The following AKAP13 variants were observed in gnomAD, a reference collection of about 807,000 sequenced individuals.
The protein encoded by AKAP13 is A-kinase anchor protein 13.
A neutral mutation model predicts 264.5 loss-of-function variants in AKAP13; 80 were observed. That is an observed-to-expected ratio of 0.30 (90% confidence interval 0.25 to 0.36). AKAP13 has a LOEUF of 0.36. Among genes scored for constraint, AKAP13 ranks in the 10% least tolerant of loss-of-function variants. The probability of loss-of-function intolerance (pLI) is 1.00; values close to 1 mark genes in which losing one functional copy is unlikely to be tolerated. For synonymous variants in AKAP13, 1,380 were observed against 1,250.2 expected (o/e 1.10, Z -2.19); for missense variants, 3,712 against 3,435.2 (o/e 1.08, Z -2.01).
At chr15:85,735,301 C>G in intron 31 of AKAP13, 151 bp downstream of exon 31, 1 of 1,136,870 alleles carries the variant, frequency 8.8e-7, no homozygotes, top group Non-Finnish European at 1.2e-6. Flanking sequence ...GTCAGTCAGA[C>G]TCATATTCAT....
rs565517111 is a variant in AKAP13 at position 85,636,204 on chromosome 15, T to A, written c.4162-3170T>A. Among the ~76,000 whole-genome samples the A allele has an allele frequency of 4.6e-5, 7 of 152,332 alleles. No individual in the cohort carries two copies. In the East Asian group the frequency reaches 1.3e-3, roughly 29 times the overall value. ...AAATGGTATTGCTTTTACTTTTAAT[T>A]TCAATTTCTAATTGCTCATTGCTAG... On this transcript the variant is annotated intron_variant, in intron 8 of 36. Transcript: ENST00000394518.
At chr15:85,675,855 T>G (rs888409590) in intron 14 of AKAP13, among the ~76,000 whole-genome samples, 2 of 152,082 alleles carry the variant, frequency 1.3e-5, no homozygotes, top group African/African-American at 4.8e-5. Context: ...GAATAATGAT[T>G]AGAACACTTC....
At chr15:85,553,337 C>T (rs548991795) in intron 5 of AKAP13, among the ~76,000 whole-genome samples, 12 of 152,134 alleles carry the variant, frequency 7.9e-5, no homozygotes, top group Non-Finnish European at 5.9e-5. Flanking sequence ...ATCCGCCTGC[C>T]TCGGCCTCCC....
At chr15:85,506,946 C>T (rs2076243605) in intron 2 of AKAP13, among the ~76,000 whole-genome samples, 1 of 152,178 alleles carries the variant, frequency 6.6e-6, no homozygotes, top group Admixed American at 6.5e-5. Context: ...ACATACTCTC[C>T]CCTCCTTGGA....
chr15:85,663,125 CGTG>C (rs927684997), intron 12 of AKAP13, among the ~76,000 whole-genome samples: 1 of 151,996 alleles, frequency 6.6e-6, no homozygotes, highest in Admixed American at 6.6e-5. Flanking sequence ...GCCTGAAAAA[CGTG>C]GTGAAACCCC....
chr15:85,693,473 C>G, intron 17 of AKAP13, 22 bp downstream of exon 17: 1 of 1,608,838 alleles, frequency 6.2e-7, no homozygotes, highest in Non-Finnish European at 8.5e-7. Flanking sequence ...GCTTCTTCCT[C>G]TCGTAAGATG....
intron 14 of AKAP13, among the ~76,000 whole-genome samples, chr15:85,680,745 T>G: frequency 6.6e-6 from 1 of 152,156 alleles, no homozygotes; most frequent in Non-Finnish European, 1.5e-5. Flanking sequence ...AACTACAGTT[T>G]TGGATTTCTG....
intron 10 of AKAP13, among the ~76,000 whole-genome samples, chr15:85,652,855 C>A (rs1412786823): frequency 6.6e-6 from 1 of 152,194 alleles, no homozygotes; most frequent in South Asian, 2.1e-4. Flanking sequence ...TTTTGTGTCT[C>A]TTCTCCTCTT....
intron 19 of AKAP13, among the ~76,000 whole-genome samples, chr15:85,715,112 C>T (rs540137296): frequency 6.6e-6 from 1 of 152,160 alleles, no homozygotes; most frequent in African/African-American, 2.4e-5. Context: ...TCCTGGAGTT[C>T]GCTTGTTAAA....
intron 8 of AKAP13, among the ~76,000 whole-genome samples, chr15:85,637,199 C>T (rs2082104070): frequency 6.6e-6 from 1 of 152,112 alleles, no homozygotes; most frequent in Admixed American, 6.5e-5. Context: ...CTTCTGTTTT[C>T]TGTAAGAGCT....
chr15:85,603,566 T>C (rs1490017434), intron 8 of AKAP13, among the ~76,000 whole-genome samples: 1 of 152,252 alleles, frequency 6.6e-6, no homozygotes, highest in African/African-American at 2.4e-5. Flanking sequence ...GTTTTTAAAC[T>C]TTGTGATGTG....
intron 2 of AKAP13, among the ~76,000 whole-genome samples, chr15:85,494,592 C>A (rs775610229): frequency 3.3e-5 from 5 of 152,166 alleles, no homozygotes; most frequent in Non-Finnish European, 5.9e-5. Flanking sequence ...GGACTGGTGA[C>A]GAATTTGATG....
chr15:85,739,429 C>G (rs1402947542), intron 33 of AKAP13, among the ~76,000 whole-genome samples: 3 of 152,002 alleles, frequency 2.0e-5, no homozygotes, highest in Non-Finnish European at 2.9e-5. Context: ...ATGTAAATTG[C>G]TGGTTTGTGT....
At position 85,645,753 on chromosome 15, in the gene AKAP13, C is replaced by G. The variant is rs2082528849; in HGVS notation, c.4238-65C>G. 2.7e-6 allele frequency: 4 copies of G among 1,475,658 alleles called. No homozygotes were observed. In the South Asian group the frequency reaches 4.0e-5, roughly 15 times the overall value. 91.4% of individuals were successfully genotyped at this position (1,475,658 alleles called of 1,614,324 possible). ...TTGCTGGGGTGAAAAGGAAGTGGTT[C>G]TTTTTGTTTTTTGGTTTTTTTGTTT... is the stretch of plus-strand genomic sequence containing the variant. On this transcript the variant is annotated intron_variant, in intron 9 of 36. Transcript: ENST00000394518.
chr15:85,397,952 C>T lies in AKAP13; in HGVS notation c.-12+17154C>T, dbSNP rs79109600. Among the ~76,000 whole-genome samples, 8 of 152,206 alleles carry T rather than the reference C, an allele frequency of 5.3e-5. No individual in the cohort carries two copies. The East Asian group carries it at 1.4e-3, about 26-fold the overall frequency. ...TACAAACCCTTGTCTCATTTTAATC[C>T]TCATAATTCTAATCCTCACAAAATG... On this transcript the variant is annotated intron_variant, in intron 1 of 36. Transcript: ENST00000394518.
At chr15:85,666,542 TTTTA>T (rs1055284886) in intron 13 of AKAP13, among the ~76,000 whole-genome samples, 7 of 152,128 alleles carry the variant, frequency 4.6e-5, no homozygotes, top group African/African-American at 7.2e-5. Context: ...CTTTTTAAAA[TTTTA>T]TTTATTTATT....
intron 1 of AKAP13, among the ~76,000 whole-genome samples, chr15:85,430,186 G>T (rs995028527): frequency 7.2e-5 from 11 of 152,116 alleles, no homozygotes; most frequent in African/African-American, 2.7e-4. Flanking sequence ...TATTTTGGAG[G>T]CACACTGAGG....
intron 1 of AKAP13, among the ~76,000 whole-genome samples, chr15:85,449,000 C>G (rs2073994313): frequency 2.0e-5 from 3 of 151,608 alleles, no homozygotes. Flanking sequence ...GGCAGTATAC[C>G]CATTTTAATG....
At chr15:85,678,810 A>G (rs1287894170) in intron 14 of AKAP13, among the ~76,000 whole-genome samples, 2 of 152,190 alleles carry the variant, frequency 1.3e-5, no homozygotes, top group African/African-American at 2.4e-5. Flanking sequence ...CAGATGTTGC[A>G]GTGAGCCGAG....
Sources: gnomAD v4.1 joint callset for allele counts (sites outside exome capture counted in the v4.1 genomes callset) on GRCh38, gnomAD v4.1.1 for gene constraint, MANE v1.5 for transcripts, NCBI Gene and HGNC (gene_info 2026-07-23, HGNC 2026-07-21) for gene names.